Variants in SYNE2 observed in about 807,000 individuals in gnomAD.
SYNE2 encodes the protein spectrin repeat containing nuclear envelope protein 2.
In SYNE2, 431 loss-of-function variants were observed where a neutral mutation model predicts 856.3. That is an observed-to-expected ratio of 0.50 (90% CI 0.47 to 0.55). SYNE2 has a LOEUF of 0.55. SYNE2 is among the 20% of genes least tolerant of loss of function. The pLI, the probability that SYNE2 is intolerant of heterozygous loss-of-function variation, is 0.00. For synonymous variants in SYNE2, 2,923 were observed against 2,872.3 expected, an observed-to-expected ratio of 1.02 and a Z score of -0.56; for missense variants, 8,129 against 8,023.2, an observed-to-expected ratio of 1.01 and a Z score of -0.50.
intron 8 of SYNE2, among the ~76,000 whole-genome samples, chr14:63,956,869 T>C (rs1300926851): frequency 2.6e-5 from 4 of 152,176 alleles, no homozygotes; most frequent in African/African-American, 4.8e-5. Context: ...CAAGGAGAAC[T>C]GTATTCACAA....
chr14:63,970,192 C>T (rs2096455584), intron 11 of SYNE2, among the ~76,000 whole-genome samples: 1 of 151,964 alleles, frequency 6.6e-6, no homozygotes. Context: ...CTGCCAATCC[C>T]TGTCTTTTTT....
At chr14:63,954,659 G>A (rs1171380541) in intron 7 of SYNE2, 60 bp from the exon 8 acceptor site, 3 of 1,446,800 alleles carry the variant, frequency 2.1e-6, no homozygotes, top group Non-Finnish European at 2.9e-6. Flanking sequence ...TGAATATAGT[G>A]GAGGGGGGTG....
chr14:63,954,788 T>G lies in SYNE2; in HGVS notation c.660T>G (p.Ile220Met), dbSNP rs375642734. ...WRNGMAFLAI[I>M]HALRPDLIDM... Reference sequence around the variant, plus strand: ...ATGGGATGGCTTTTTTGGCCATCATTCATGCCTTGCGACCAGACCTAATTG... The same window carrying G: ...ATGGGATGGCTTTTTTGGCCATCATGCATGCCTTGCGACCAGACCTAATTG... The change falls in exon 8 of 116, where the codon ATT becomes ATG. Residue 220 changes from isoleucine to methionine, a missense_variant. By Grantham distance (10) the Ile-to-Met change is conservative. Transcript: ENST00000555002. The G allele has an allele frequency of 1.1e-5, 18 of 1,614,098 alleles. No individual in the cohort carries two copies. The highest frequency in any genetic ancestry group is 1.6e-4 in the Middle Eastern group (1 of 6,062).
At position 63,799,565 on chromosome 14, in the gene SYNE2, G is replaced by A. The variant is rs113528838; in HGVS notation, c.-305+37579G>A. ...ACAAAACAAAAAAATTTAGCCGGGC[G>A]TGGTGGCGGGCGCCTGTAGTCCCAG... is the stretch of plus-strand genomic sequence containing the variant. On this transcript the variant is annotated intron_variant, in intron 1 of 23. Coordinates refer to the SYNE2 transcript ENST00000674003. Among the ~76,000 whole-genome samples the A allele has an allele frequency of 3.3e-3, 507 of 152,028 alleles. 5 individuals carry two copies. The highest frequency in any genetic ancestry group is 0.011 in the African/African-American group (475 of 41,490).
chr14:63,928,204 A>G (rs1049038270), intron 2 of SYNE2, among the ~76,000 whole-genome samples: 1 of 152,216 alleles, frequency 6.6e-6, no homozygotes, highest in Non-Finnish European at 1.5e-5. Flanking sequence ...TGTCCAACCC[A>G]TGTGATGGGA....
chr14:64,059,573 G>A (rs896660506), intron 49 of SYNE2, among the ~76,000 whole-genome samples: 2 of 152,236 alleles, frequency 1.3e-5, no homozygotes, highest in Admixed American at 1.3e-4. Flanking sequence ...GGTGACACAA[G>A]CACCCTTGTG....
intron 1 of SYNE2, among the ~76,000 whole-genome samples, chr14:63,904,298 T>C (rs2095378540): frequency 6.6e-6 from 1 of 152,228 alleles, no homozygotes. Context: ...TGCATGTGTC[T>C]TTTTGGTAGC....
intron 2 of SYNE2, among the ~76,000 whole-genome samples, chr14:63,915,289 G>A (rs1262718402): frequency 1.3e-5 from 2 of 152,174 alleles, no homozygotes; most frequent in Admixed American, 6.5e-5. Context: ...TGGCTGTGTA[G>A]GTGGACTCAT....
At chr14:64,078,048 A>G (rs1169002985) in intron 54 of SYNE2, among the ~76,000 whole-genome samples, 2 of 152,202 alleles carry the variant, frequency 1.3e-5, no homozygotes, top group Non-Finnish European at 2.9e-5. Flanking sequence ...TTTACTGAAA[A>G]CAGATCTATG....
chr14:63,849,082 A>C (rs1044458237), upstream of SYNE2, among the ~76,000 whole-genome samples: 1 of 152,194 alleles, frequency 6.6e-6, no homozygotes, highest in Non-Finnish European at 1.5e-5. Flanking sequence ...TGAGATAAGG[A>C]GCTCTGGCCT....
chr14:63,964,237 T>G (rs2096360193), intron 10 of SYNE2, among the ~76,000 whole-genome samples: 1 of 152,242 alleles, frequency 6.6e-6, no homozygotes, highest in African/African-American at 2.4e-5. Context: ...AGTTTTTGTG[T>G]TTCTAACAAG....
chr14:64,202,763 T>G (rs761231443), intron 99 of SYNE2, 38 bp from the exon 100 acceptor site: 1 of 1,613,870 alleles, frequency 6.2e-7, no homozygotes. Flanking sequence ...TCACTGGTTT[T>G]TTTTTGTTTC....
intron 2 of SYNE2, among the ~76,000 whole-genome samples, chr14:63,910,869 C>T (rs2095465082): frequency 6.6e-6 from 1 of 152,196 alleles, no homozygotes; most frequent in African/African-American, 2.4e-5. Flanking sequence ...ATCTTACTCT[C>T]AAAGTATTTC....
At chr14:64,167,789 T>G in intron 92 of SYNE2, 150 bp downstream of exon 92, 1 of 1,072,326 alleles carries the variant, frequency 9.3e-7, no homozygotes, top group Non-Finnish European at 1.4e-6. Context: ...AATTGGTCAT[T>G]TGTAAAATTC....
At chr14:64,199,165 T>C (rs966485491) in intron 99 of SYNE2, among the ~76,000 whole-genome samples, 2 of 152,192 alleles carry the variant, frequency 1.3e-5, no homozygotes, top group African/African-American at 4.8e-5. Flanking sequence ...CTCCTACCCC[T>C]CAGTGTATCC....
In SYNE2 at chr14:64,189,134, G is replaced by A. The variant is rs184949738; in HGVS notation, c.17871+426G>A. 4.8e-3 allele frequency: 2,939 copies of A among 607,156 alleles called. 141 individuals are homozygous for A. In the Admixed American group the frequency reaches 0.077, roughly 16 times the overall value. 37.6% of individuals were successfully genotyped at this position (607,156 alleles called of 1,614,324 possible). A position where few individuals can be genotyped will look rare whatever the true frequency, so the allele number is the denominator to read the frequency against. On this transcript the variant is annotated intron_variant, in intron 98 of 115. Transcript: ENST00000555002. ...GGATCACCTGAGGTCAAGAGTTCAA[G>A]ACCAGCCTGGCTGACATGGTGAAAC...
intron 1 of SYNE2, among the ~76,000 whole-genome samples, chr14:63,831,174 A>T (rs1889654949): frequency 6.6e-6 from 1 of 151,996 alleles, no homozygotes; most frequent in African/African-American, 2.4e-5. Context: ...TATTTTGGCG[A>T]TGCTCTTGAT....
intron 45 of SYNE2, among the ~76,000 whole-genome samples, chr14:64,035,535 T>TTG (rs2097080845): frequency 2.7e-5 from 4 of 150,390 alleles, no homozygotes; most frequent in Non-Finnish European, 5.9e-5. Context: ...TTTTTTTTTT[T>TTG]GCCATCTATA....
chr14:64,167,471 G>A, intron 91 of SYNE2, 24 bp from the exon 92 acceptor site: 6 of 1,614,250 alleles, frequency 3.7e-6, no homozygotes, highest in Non-Finnish European at 5.1e-6. Flanking sequence ...TAACATGGGT[G>A]TGTTTTGTTT....
Sources: allele counts gnomAD v4.1 joint callset (sites outside exome capture counted in the v4.1 genomes callset), GRCh38; gene constraint gnomAD v4.1.1; transcripts MANE v1.5; gene names NCBI Gene and HGNC (gene_info 2026-07-23, HGNC 2026-07-21).